Variants in CUX1 observed in about 807,000 individuals in gnomAD.
CUX1 encodes protein CASP.
In CUX1, 31 loss-of-function variants were observed where a neutral mutation model predicts 158.8. That is an observed-to-expected ratio of 0.20 (90% CI 0.15 to 0.26). The LOEUF (loss-of-function observed/expected upper bound fraction) is 0.26. Among genes scored for constraint, CUX1 ranks in the 10% least tolerant of loss-of-function variants. The pLI is 1.00. For missense variants in CUX1, 1,589 were observed against 2,014.6 expected (o/e 0.79, Z 4.04); for synonymous variants, 879 against 862.1 (o/e 1.02, Z -0.34).
rs141078895 is a variant in CUX1, at chr7:102,050,178, T to C, written c.190-20161T>C. On this transcript the variant is annotated intron_variant, in intron 3 of 23. Transcript: ENST00000292535. ...TCAGATCTGGATTTGAATCCTGACATCATCATTTGCCAGCGTGACCTTGAA... is the reference window on the plus strand; with the variant it reads ...TCAGATCTGGATTTGAATCCTGACACCATCATTTGCCAGCGTGACCTTGAA... Among the ~76,000 whole-genome samples, 1,097 of 152,260 alleles carry C rather than the reference T, an allele frequency of 7.2e-3. 35 individuals are homozygous for C. Among genetic ancestry groups the C allele is most frequent in the Admixed American group, 0.064 (971 of 15,282 alleles).
At chr7:101,835,044 A>C (rs1794474150) in intron 1 of CUX1, among the ~76,000 whole-genome samples, 1 of 151,902 alleles carries the variant, frequency 6.6e-6, no homozygotes, top group Non-Finnish European at 1.5e-5. Flanking sequence ...TTTAAAATCC[A>C]TAGGTGTTTG....
intron 7 of CUX1, among the ~76,000 whole-genome samples, chr7:102,112,316 A>G (rs1554490405): frequency 1.4e-5 from 2 of 141,508 alleles, no homozygotes; most frequent in Admixed American, 7.6e-5. Context: ...ATCTTGACTC[A>G]CTGCAAGCTC....
intron 10 of CUX1, among the ~76,000 whole-genome samples, chr7:102,177,090 A>G (rs928805386): frequency 1.1e-4 from 17 of 152,044 alleles, no homozygotes; most frequent in Admixed American, 6.6e-4. Context: ...CACCAAATAT[A>G]CATTTTCCAC....
chr7:101,927,329 T>C (rs202233931), intron 2 of CUX1, among the ~76,000 whole-genome samples: 1 of 152,188 alleles, frequency 6.6e-6, no homozygotes, highest in Non-Finnish European at 1.5e-5. Context: ...TCTCTCTGCT[T>C]TCTAAGACCA....
intron 23 of CUX1, 33 bp downstream of exon 23, chr7:102,239,617 G>C: frequency 6.3e-7 from 1 of 1,595,530 alleles, no homozygotes; most frequent in South Asian, 1.1e-5. Context: ...AGCGCCGGTC[G>C]GCCCAGGGGA....
chr7:102,191,247 T>G (rs1241188875), intron 12 of CUX1, among the ~76,000 whole-genome samples: 1 of 152,198 alleles, frequency 6.6e-6, no homozygotes, highest in Non-Finnish European at 1.5e-5. Context: ...ACTTATTTAT[T>G]TATTTGACAG....
At chr7:102,133,798 T>A (rs537726203) in intron 8 of CUX1, among the ~76,000 whole-genome samples, 1 of 128,544 alleles carries the variant, frequency 7.8e-6, no homozygotes, top group Admixed American at 7.2e-5. Context: ...TTTATTTCCA[T>A]CAGTGTCTAA....
At chr7:102,037,510 G>A (rs1403533306) in intron 3 of CUX1, among the ~76,000 whole-genome samples, 10 of 151,682 alleles carry the variant, frequency 6.6e-5, no homozygotes, top group East Asian at 3.9e-4. Flanking sequence ...GCGCCACCAC[G>A]CCCAGCTAAT....
chr7:102,038,999 A>C (rs911713339), intron 3 of CUX1, among the ~76,000 whole-genome samples: 1 of 152,192 alleles, frequency 6.6e-6, no homozygotes, highest in African/African-American at 2.4e-5. Context: ...CCAGTTCAGA[A>C]ATTTTGAAAA....
intron 2 of CUX1, among the ~76,000 whole-genome samples, chr7:102,010,371 GCAA>G (rs1293173260): frequency 7.1e-6 from 1 of 140,536 alleles, no homozygotes; most frequent in Non-Finnish European, 1.5e-5. Flanking sequence ...TCCAGCCTGG[GCAA>G]CAGAACAAGA....
Position 102,111,639 on chromosome 7 carries a change from A to G in CUX1, c.531-59A>G. ...GGAGCTGAGCTCAGCCGAAAGGCAC[A>G]CGTGCATTTCAGTTGGTAAAGGAGA... is the stretch of plus-strand genomic sequence containing the variant. On this transcript the variant is annotated intron_variant, in intron 6 of 23. Coordinates refer to ENST00000292535, the MANE Select transcript of CUX1 (RefSeq NM_181552.4). The G allele has an allele frequency of 2.7e-6, 4 of 1,475,378 alleles. No homozygotes were observed. In the South Asian group the frequency reaches 4.5e-5, roughly 17 times the overall value. The allele number at this position is 1,475,378 out of a possible 1,614,324, so 91.4% of individuals were successfully genotyped here. A position where few individuals can be genotyped will look rare whatever the true frequency, so the allele number is the denominator to read the frequency against.
At chr7:101,883,580 T>C (rs73185809) in intron 1 of CUX1, among the ~76,000 whole-genome samples, 18,719 of 135,052 alleles carry the variant, frequency 0.14, 1,384 homozygotes, top group Middle Eastern at 0.32. Context: ...TTTTTTCTTT[T>C]TCTTTAATTT....
At chr7:101,899,347 G>A (rs959228504) in intron 1 of CUX1, among the ~76,000 whole-genome samples, 1 of 152,078 alleles carries the variant, frequency 6.6e-6, no homozygotes, top group African/African-American at 2.4e-5. Flanking sequence ...TCAGGAGTTC[G>A]AGACCAGCCT....
intron 3 of CUX1, among the ~76,000 whole-genome samples, chr7:102,068,932 C>T (rs1410842386): frequency 6.6e-6 from 1 of 152,188 alleles, no homozygotes; most frequent in Admixed American, 6.5e-5. Context: ...GATGAACAGA[C>T]GTCTACACTA....
At chr7:102,198,129 G>A (rs1477160267) in intron 15 of CUX1, among the ~76,000 whole-genome samples, 2 of 152,106 alleles carry the variant, frequency 1.3e-5, no homozygotes, top group South Asian at 2.1e-4. Flanking sequence ...GCGTGGTGGC[G>A]TGTACCTGTG....
At chr7:102,083,169 T>A (rs1827623004) in intron 4 of CUX1, among the ~76,000 whole-genome samples, 1 of 147,580 alleles carries the variant, frequency 6.8e-6, no homozygotes, top group Admixed American at 6.8e-5. Flanking sequence ...TATTTTCTAA[T>A]TTTAGACATT....
intron 20 of CUX1, among the ~76,000 whole-genome samples, chr7:102,217,037 A>G (rs1043660934): frequency 2.0e-5 from 3 of 152,220 alleles, no homozygotes; most frequent in Non-Finnish European, 4.4e-5. Context: ...GGACGCATTG[A>G]TAAGTGTTCG....
intron 1 of CUX1, among the ~76,000 whole-genome samples, chr7:101,847,182 A>G (rs1357478917): frequency 1.3e-5 from 2 of 152,160 alleles, no homozygotes; most frequent in Non-Finnish European, 2.9e-5. Context: ...CACCTGGTGG[A>G]GAAGGTAGTA....
At chr7:102,008,255 G>A (rs1468032173) in intron 2 of CUX1, among the ~76,000 whole-genome samples, 1 of 152,006 alleles carries the variant, frequency 6.6e-6, no homozygotes, top group Non-Finnish European at 1.5e-5. Flanking sequence ...TGTCCCCGCT[G>A]GCCCCCTCTC....
Sources: allele counts gnomAD v4.1 joint callset (sites outside exome capture counted in the v4.1 genomes callset), GRCh38; gene constraint gnomAD v4.1.1; transcripts MANE v1.5; gene names NCBI Gene and HGNC (gene_info 2026-07-23, HGNC 2026-07-21).